The following CACNA2D2 variants were observed in gnomAD, a reference collection of about 807,000 sequenced individuals.
The protein encoded by CACNA2D2 is calcium voltage-gated channel auxiliary subunit alpha2delta 2, also known as voltage-dependent calcium channel subunit alpha-2/delta-2.
CACNA2D2 carries 48 observed loss-of-function variants against 166.4 expected under a neutral mutation model. The ratio of observed to expected loss-of-function variants is 0.29; its 90% CI spans 0.23 to 0.37. The LOEUF (loss-of-function observed/expected upper bound fraction) is 0.37. CACNA2D2 is among the 10% of genes least tolerant of loss of function. CACNA2D2 has a pLI of 1.00. For missense variants in CACNA2D2, 1,122 were observed against 1,433.0 expected (o/e 0.78, Z 3.50); for synonymous variants, 561 against 573.7 (o/e 0.98, Z 0.32).
intron 1 of CACNA2D2, among the ~76,000 whole-genome samples, chr3:50,481,295 A>C (rs1698046485): frequency 6.6e-6 from 1 of 152,024 alleles, no homozygotes; most frequent in Admixed American, 6.6e-5. Flanking sequence ...GGCTCGGAAC[A>C]CCCGAGCTCT....
chr3:50,502,523 C>A (rs1443429986), intron 1 of CACNA2D2, among the ~76,000 whole-genome samples: 1 of 152,204 alleles, frequency 6.6e-6, no homozygotes, highest in Non-Finnish European at 1.5e-5. Flanking sequence ...CCAGGAGAAG[C>A]TATTACTCTG....
At chr3:50,404,301 CT>C (rs893863726) in intron 3 of CACNA2D2, among the ~76,000 whole-genome samples, 2 of 152,156 alleles carry the variant, frequency 1.3e-5, no homozygotes, top group East Asian at 1.9e-4. Flanking sequence ...GTCTGAACTG[CT>C]GAAGTCTGCT....
At chr3:50,501,879 A>C (rs994018452) in intron 1 of CACNA2D2, among the ~76,000 whole-genome samples, 2 of 152,218 alleles carry the variant, frequency 1.3e-5, no homozygotes, top group South Asian at 4.1e-4. Flanking sequence ...TCCCTGGGCA[A>C]CCCCCAAACA....
At chr3:50,485,954 T>C (rs1698260166) in intron 1 of CACNA2D2, among the ~76,000 whole-genome samples, 1 of 152,168 alleles carries the variant, frequency 6.6e-6, no homozygotes, top group South Asian at 2.1e-4. Flanking sequence ...CCAGGAAGCC[T>C]GGAACCACCC....
In CACNA2D2 at chr3:50,375,812, A is replaced by AT. The variant is rs1468589259; in HGVS notation, c.1841dup (p.Asp614GlufsTer2). 6.2e-7 allele frequency: 1 copy of AT among 1,612,986 alleles called. No homozygotes were observed. Among genetic ancestry groups the AT allele is most frequent in the Non-Finnish European group, 8.5e-7 (1 of 1,179,968 alleles). The stretch of plus-strand genomic sequence containing the variant: ...GCCCCCAGCCCTGCCTCCTTACCTC[A>AT]TCCAGGGACTTGACCAACGTTCTGA... On this transcript the variant is annotated frameshift_variant, in exon 20 of 38. Transcript: ENST00000424201. LOFTEE classifies it high-confidence loss of function. The surrounding 1 kb of genome is among the most constrained non-coding windows in gnomAD (Gnocchi z 4.0).
intron 3 of CACNA2D2, among the ~76,000 whole-genome samples, chr3:50,429,523 C>CT (rs1707965492): frequency 7.0e-6 from 1 of 143,684 alleles, no homozygotes; most frequent in Non-Finnish European, 1.5e-5. Context: ...GAGGCCGAGA[C>CT]GGGCGGATCA....
At chr3:50,467,156 C>T (rs941774340) in intron 2 of CACNA2D2, among the ~76,000 whole-genome samples, 1 of 152,126 alleles carries the variant, frequency 6.6e-6, no homozygotes, top group South Asian at 2.1e-4. Flanking sequence ...TCAAGTCACT[C>T]TAGGAATGGC....
At position 50,366,027 on chromosome 3, in the gene CACNA2D2, G is replaced by A. The variant is rs1288375507; in HGVS notation, c.2846C>T (p.Pro949Leu). The change falls in exon 32 of 38, where the codon CCC becomes CTC. Residue 949 changes from proline to leucine, a missense_variant. Around this residue, in one of 2 missense-constraint regions of CACNA2D2, gnomAD observed 282 missense variants for 266.2 expected, o/e 1.06. Coordinates refer to ENST00000424201, the MANE Select transcript of CACNA2D2 (RefSeq NM_006030.4). The surrounding 1 kb of genome is among the most constrained non-coding windows in gnomAD (Gnocchi z 5.9). ...GGGACTCACCACAAAGACACCCCGG[G>A]GTGCAGCACCCAGGTTGCCAGGGGG... ...PQPPGNLGAA[P>L]RGVFVPTVAD... 1 of 1,612,956 alleles carries A rather than the reference G, an allele frequency of 6.2e-7. No individual in the cohort carries two copies. Among genetic ancestry groups the A allele is most frequent in the South Asian group, 1.1e-5 (1 of 91,040 alleles).
At position 50,380,086 on chromosome 3, in the gene CACNA2D2, T is replaced by C. The variant is rs1705223674; in HGVS notation, c.843-68A>G. 1.3e-6 allele frequency: 2 copies of C among 1,485,578 alleles called. No homozygotes were observed. The highest frequency in any genetic ancestry group is 2.8e-5 in the African/African-American group (2 of 72,554). 92.0% of individuals were successfully genotyped at this position (1,485,578 alleles called of 1,614,324 possible). A position where few individuals can be genotyped will look rare whatever the true frequency, so the allele number is the denominator to read the frequency against. The stretch of plus-strand genomic sequence containing the variant: ...CTTGTGGGTCCTTCCTTCCTTCACA[T>C]ACATATTGATTCAATACATTTCTCT... On this transcript the variant is annotated intron_variant, in intron 8 of 37. Coordinates refer to ENST00000424201, the MANE Select transcript of CACNA2D2 (RefSeq NM_006030.4). This position sits in a 1 kb window ranked among gnomAD's most constrained non-coding sequence, Gnocchi z 4.9.
intron 2 of CACNA2D2, among the ~76,000 whole-genome samples, chr3:50,436,887 C>A (rs1228102069): frequency 1.3e-5 from 2 of 152,228 alleles, no homozygotes; most frequent in East Asian, 3.9e-4. Context: ...GTCTCCCACA[C>A]TGAGCCACCC....
At chr3:50,399,897 G>T (rs967791006) in intron 3 of CACNA2D2, among the ~76,000 whole-genome samples, 36 of 152,278 alleles carry the variant, frequency 2.4e-4, no homozygotes, top group African/African-American at 8.4e-4. Context: ...TGGCCTCCCA[G>T]CTGTCCCTCC....
At position 50,465,432 on chromosome 3, in the gene CACNA2D2, G is replaced by A. The variant is rs183596827; in HGVS notation, c.288+10686C>T. On this transcript the variant is annotated intron_variant, in intron 2 of 37. Transcript: ENST00000424201. The stretch of plus-strand genomic sequence containing the variant: ...ACCCAGCTTCCGGGTCTCCCTGCAC[G>A]ATGATGCAGTGCAGTGGCAGGGCCA... 2.9e-4 allele frequency among the ~76,000 whole-genome samples: 44 copies of A among 152,264 alleles called. No homozygotes were observed. The South Asian group carries it at 4.4e-3, about 15-fold the overall frequency.
chr3:50,492,687 T>C (rs1271259774), intron 1 of CACNA2D2, among the ~76,000 whole-genome samples: 1 of 152,182 alleles, frequency 6.6e-6, no homozygotes, highest in Non-Finnish European at 1.5e-5. Flanking sequence ...CCAAGGAACC[T>C]GGAGGCGCCA....
intron 1 of CACNA2D2, among the ~76,000 whole-genome samples, chr3:50,493,676 C>T (rs1271258661): frequency 6.6e-6 from 1 of 152,238 alleles, no homozygotes; most frequent in Non-Finnish European, 1.5e-5. Context: ...TTGTTGGCAG[C>T]CAAATGCGCT....
At chr3:50,401,509 G>A (rs1005450370) in intron 3 of CACNA2D2, among the ~76,000 whole-genome samples, 1 of 152,160 alleles carries the variant, frequency 6.6e-6, no homozygotes, top group Non-Finnish European at 1.5e-5. Context: ...GAGAAGCAGA[G>A]GGAATGACTG....
intron 1 of CACNA2D2, among the ~76,000 whole-genome samples, chr3:50,477,773 C>A (rs369937700): frequency 1.3e-5 from 2 of 152,160 alleles, no homozygotes; most frequent in African/African-American, 4.8e-5. Flanking sequence ...GGAGGTACCC[C>A]GGGAGCCATG....
chr3:50,490,254 T>C (rs1251103261), intron 1 of CACNA2D2, among the ~76,000 whole-genome samples: 1 of 152,258 alleles, frequency 6.6e-6, no homozygotes, highest in South Asian at 2.1e-4. Flanking sequence ...ATAGATACCA[T>C]GGTTAGGACA....
At position 50,503,324 on chromosome 3, in the gene CACNA2D2, G is replaced by C. The variant is rs1477695737; in HGVS notation, c.100C>G (p.Arg34Gly). The C allele has an allele frequency of 3.7e-6, 2 of 537,592 alleles. No individual in the cohort carries two copies. Among genetic ancestry groups the C allele is most frequent in the Non-Finnish European group, 5.4e-6 (2 of 372,214 alleles). 33.3% of individuals were successfully genotyped at this position (537,592 alleles called of 1,614,324 possible). The change falls in exon 1 of 38, where the codon CGG becomes GGG. Residue 34 changes from arginine (R) to glycine (G), a missense_variant. By Grantham distance (125) the Arg-to-Gly change is moderately radical. Coordinates refer to ENST00000424201, the MANE Select transcript of CACNA2D2 (RefSeq NM_006030.4). The stretch of plus-strand genomic sequence containing the variant: ...CGCGGGGGCCCGGACGTCGGGCGCC[G>C]GGTGCCGGGGCCAGGGTGGGGGCCG... ...GCGPHPGPGT[R>G]RPTSGPPRPL...
At chr3:50,381,704 C>T (rs1176017244) in intron 6 of CACNA2D2, among the ~76,000 whole-genome samples, 1 of 152,064 alleles carries the variant, frequency 6.6e-6, no homozygotes, top group Non-Finnish European at 1.5e-5. Context: ...TCAACACAGG[C>T]AAGTGTACTT....
Sources: gnomAD v4.1 joint callset for allele counts (sites outside exome capture counted in the v4.1 genomes callset) on GRCh38, gnomAD v4.1.1 for gene constraint, gnomAD v4.1.1 regional missense constraint, Gnocchi (gnomAD v3.1) non-coding constraint, MANE v1.5 for transcripts, NCBI Gene and HGNC (gene_info 2026-07-23, HGNC 2026-07-21) for gene names.